PKD1L1: variants seen among roughly 807,000 people sequenced by gnomAD.
PKD1L1 encodes polycystin 1 like 1, transient receptor potential channel interacting.
Under a neutral mutation model 323.4 loss-of-function variants are expected in PKD1L1, and 236 were observed. That is an observed-to-expected ratio of 0.73 (90% CI 0.66 to 0.81). The LOEUF is 0.81. Ranked by LOEUF, PKD1L1 falls within the 40% of genes least tolerant of loss-of-function variation. PKD1L1 has a pLI of 0.00. For missense variants in PKD1L1, 3,320 were observed against 3,508.0 expected, an observed-to-expected ratio of 0.95 and a Z score of 1.35; for synonymous variants, 1,344 against 1,335.0, an observed-to-expected ratio of 1.01 and a Z score of -0.15.
At position 47,781,621 on chromosome 7, in the gene PKD1L1, G is replaced by A. The variant is rs186444351; in HGVS notation, c.8527-6455C>T. On this transcript the variant is annotated intron_variant, in intron 56 of 56. Coordinates refer to ENST00000289672, the MANE Select transcript of PKD1L1 (RefSeq NM_138295.5). Reference sequence around the variant, plus strand: ...AGACGGGGTTTCACTGTGTTAGCCAGGATGGTCTCGATTTCCTGACGTAGT... The same window carrying A: ...AGACGGGGTTTCACTGTGTTAGCCAAGATGGTCTCGATTTCCTGACGTAGT... Among the ~76,000 whole-genome samples, 45 of 151,894 alleles carry A rather than the reference G, an allele frequency of 3.0e-4. No homozygotes were observed. In the East Asian group the frequency reaches 7.0e-3, roughly 24 times the overall value.
chr7:47,829,367 T>C (rs779345200), intron 44 of PKD1L1, 58 bp downstream of exon 44: 179 of 1,468,756 alleles, frequency 1.2e-4, no homozygotes, highest in Non-Finnish European at 1.5e-4. Context: ...ATATGCATGA[T>C]AGAATATAAA....
chr7:47,845,589 T>C (rs1785648624), intron 32 of PKD1L1, among the ~76,000 whole-genome samples: 1 of 152,180 alleles, frequency 6.6e-6, no homozygotes, highest in Non-Finnish European at 1.5e-5. Context: ...TATTTTAAAT[T>C]TTTTGTTTGT....
At position 47,893,942 on chromosome 7, in the gene PKD1L1, A is replaced by G. The variant is rs769089745; in HGVS notation, c.2389T>C (p.Ser797Pro). ...GTCCCTCTGAGGACAATGGGGGATG[A>G]GGTGGTCCTGGAGAAGAATAGGTGT... The part of the protein sequence containing the change: ...GTHLFFSRTT[S>P]SPIVLRGTQS... The change falls in exon 15 of 57, where the codon TCA (serine) becomes CCA (proline). Residue 797 changes from serine to proline, a missense_variant. Transcript: ENST00000289672. The G allele has an allele frequency of 9.3e-6, 15 of 1,614,052 alleles. No individual in the cohort carries two copies. The highest frequency in any genetic ancestry group is 1.3e-5 in the Non-Finnish European group (15 of 1,180,008).
chr7:47,919,673 CAA>C (rs1170076704), intron 7 of PKD1L1, among the ~76,000 whole-genome samples: 1 of 152,164 alleles, frequency 6.6e-6, no homozygotes, highest in African/African-American at 2.4e-5. Flanking sequence ...CCACCATAAT[CAA>C]GTGGGTTTCA....
intron 28 of PKD1L1, 125 bp downstream of exon 28, chr7:47,857,480 A>G (rs1785929917): frequency 1.4e-6 from 1 of 728,534 alleles, no homozygotes; most frequent in Non-Finnish European, 2.3e-6. Context: ...TGGCACTGAG[A>G]GGGTGCAAAC....
chr7:47,782,698 C>T (rs779198679), intron 56 of PKD1L1, among the ~76,000 whole-genome samples: 8 of 152,204 alleles, frequency 5.3e-5, no homozygotes, highest in Non-Finnish European at 1.0e-4. Context: ...GTCTTCCCCT[C>T]AAGAAAAGTC....
chr7:47,821,219 C>T (rs777524528), intron 45 of PKD1L1, 33 bp from the exon 46 acceptor site: 2 of 1,403,022 alleles, frequency 1.4e-6, no homozygotes, highest in East Asian at 2.3e-5. Flanking sequence ...AGCATCCATA[C>T]AGACCCTGTA....
At chr7:47,834,203 A>T in intron 40 of PKD1L1, 136 bp downstream of exon 40, 1 of 900,280 alleles carries the variant, frequency 1.1e-6, no homozygotes, top group Non-Finnish European at 1.7e-6. Flanking sequence ...TCTTGCATTG[A>T]TCTTTTCCTG....
At position 47,834,957 on chromosome 7, in the gene PKD1L1, G is replaced by A. The variant is rs1785425135; in HGVS notation, c.6127+10C>T. 1 of 1,612,374 alleles carries A rather than the reference G, an allele frequency of 6.2e-7. No homozygotes were observed. Among genetic ancestry groups the A allele is most frequent in the African/African-American group, 1.3e-5 (1 of 75,014 alleles). On this transcript the variant is annotated intron_variant, in intron 39 of 56. Coordinates refer to ENST00000289672, the MANE Select transcript of PKD1L1 (RefSeq NM_138295.5). ...ACGGAGAGTTTCTGAGAGTTTTAAT[G>A]TACATTTACCATGGGGTGCCTCGGT...
intron 23 of PKD1L1, among the ~76,000 whole-genome samples, chr7:47,875,814 G>C (rs906673528): frequency 1.3e-5 from 2 of 152,028 alleles, no homozygotes; most frequent in African/African-American, 4.8e-5. Flanking sequence ...GAAATGTCCT[G>C]ATTTTAAATA....
In PKD1L1 at chr7:47,946,017, T is replaced by TA. The variant is rs575902202; in HGVS notation, c.44+2379dup. ...TTGAGATTTCAGAGGTCTTTTCAAA[T>TA]AAAAAAAATGGAAGGGGGAGATAAT... On this transcript the variant is annotated intron_variant, in intron 1 of 56. Coordinates refer to ENST00000289672, the MANE Select transcript of PKD1L1 (RefSeq NM_138295.5). The surrounding 1 kb of genome is among the most constrained non-coding windows in gnomAD (Gnocchi z 4.1). Among the ~76,000 whole-genome samples the TA allele has an allele frequency of 3.0e-3, 456 of 151,826 alleles. 5 individuals are homozygous for TA. The highest frequency in any genetic ancestry group is 0.01 in the African/African-American group (419 of 41,438).
chr7:47,853,303 G>C, intron 30 of PKD1L1, 76 bp from the exon 31 acceptor site: 2 of 1,082,158 alleles, frequency 1.8e-6, no homozygotes, highest in South Asian at 2.6e-5. Flanking sequence ...TTTCTATCAA[G>C]AGTTTACTCA....
the PKD1L1 span, among the ~76,000 whole-genome samples, chr7:47,954,882 C>T: frequency 6.6e-6 from 1 of 152,206 alleles, no homozygotes; most frequent in Non-Finnish European, 1.5e-5. Flanking sequence ...AATTCAGCAT[C>T]TTTCCAAGCT....
chr7:47,923,430 G>A (rs1787596490), intron 7 of PKD1L1, among the ~76,000 whole-genome samples: 1 of 151,874 alleles, frequency 6.6e-6, no homozygotes, highest in South Asian at 2.1e-4. Flanking sequence ...GTAATAGGGT[G>A]CAGTGTATAT....
At chr7:47,810,948 T>C (rs1332040671) in intron 50 of PKD1L1, among the ~76,000 whole-genome samples, 1 of 152,198 alleles carries the variant, frequency 6.6e-6, no homozygotes, top group Non-Finnish European at 1.5e-5. Context: ...TCTGGTCCTA[T>C]AGGATTAGTG....
chr7:47,941,839 T>G (rs557133740), intron 2 of PKD1L1, among the ~76,000 whole-genome samples: 4 of 151,982 alleles, frequency 2.6e-5, no homozygotes, highest in African/African-American at 9.7e-5. Context: ...CAGAAAGAAA[T>G]AAATAAAAAA....
intron 23 of PKD1L1, among the ~76,000 whole-genome samples, chr7:47,875,068 T>C (rs78372570): frequency 0.015 from 2,283 of 152,298 alleles, 56 homozygotes; most frequent in Non-Finnish European, 0.015. Context: ...GGTCCTTCTA[T>C]TGGAACATTT....
At chr7:47,797,526 A>G (rs965144) in intron 54 of PKD1L1, among the ~76,000 whole-genome samples, 107,062 of 151,532 alleles carry the variant, frequency 0.71, 38,090 homozygotes, top group Non-Finnish European at 0.75. Context: ...CAACACACCC[A>G]TGGCAGACAG....
chr7:47,837,984 A>G (rs770932703), intron 36 of PKD1L1, among the ~76,000 whole-genome samples: 18 of 152,224 alleles, frequency 1.2e-4, no homozygotes, highest in Non-Finnish European at 2.4e-4. Flanking sequence ...GACTAAATTA[A>G]TAAGCCTACA....
Sources: allele counts gnomAD v4.1 joint callset (sites outside exome capture counted in the v4.1 genomes callset), GRCh38; gene constraint gnomAD v4.1.1; non-coding constraint Gnocchi (gnomAD v3.1); transcripts MANE v1.5; gene names NCBI Gene and HGNC (gene_info 2026-07-23, HGNC 2026-07-21).